SYN3: variants seen among roughly 807,000 people sequenced by gnomAD.
SYN3 encodes the protein synapsin-3.
SYN3 carries 35 observed loss-of-function variants against 65.8 expected under a neutral mutation model. The observed-to-expected ratio is 0.53, with a 90% CI of 0.41 to 0.70. The LOEUF (loss-of-function observed/expected upper bound fraction) is 0.70. Among genes scored for constraint, SYN3 ranks in the 30% least tolerant of loss-of-function variants. The pLI is 0.00. For synonymous variants in SYN3, 270 were observed against 292.9 expected (o/e 0.92, Z 0.80); for missense variants, 680 against 749.0 (o/e 0.91, Z 1.08).
chr22:32,881,442 A>G (rs148504702), intron 4 of SYN3, among the ~76,000 whole-genome samples: 11 of 152,322 alleles, frequency 7.2e-5, no homozygotes, highest in African/African-American at 2.6e-4. Context: ...CAGCTCGCTC[A>G]GCAGGAAATA....
intron 3 of SYN3, among the ~76,000 whole-genome samples, chr22:32,942,625 G>A (rs1370958170): frequency 6.6e-6 from 1 of 152,214 alleles, no homozygotes; most frequent in African/African-American, 2.4e-5. Context: ...AGTGAAGAAG[G>A]CTTCAGACGA....
At chr22:32,782,317 CT>C (rs1472874758) in intron 6 of SYN3, among the ~76,000 whole-genome samples, 1 of 152,116 alleles carries the variant, frequency 6.6e-6, no homozygotes, top group African/African-American at 2.4e-5. Flanking sequence ...ATCCACCCAC[CT>C]TGGCCTCCCA....
intron 2 of SYN3, among the ~76,000 whole-genome samples, chr22:32,994,153 T>C (rs2052808703): frequency 1.3e-5 from 2 of 152,074 alleles, no homozygotes; most frequent in Admixed American, 1.3e-4. Context: ...GCTCGGGGCT[T>C]GGGTGCCGCA....
At chr22:32,774,220 T>C (rs900158146) in intron 6 of SYN3, among the ~76,000 whole-genome samples, 5 of 152,202 alleles carry the variant, frequency 3.3e-5, no homozygotes, top group African/African-American at 1.2e-4. Flanking sequence ...CCTTGGTCCC[T>C]GTAAATGTGA....
intron 6 of SYN3, among the ~76,000 whole-genome samples, chr22:32,641,283 CT>C (rs1375607408): frequency 6.6e-6 from 1 of 152,100 alleles, no homozygotes; most frequent in Non-Finnish European, 1.5e-5. Context: ...CTCGTACGTG[CT>C]TCAGAATCCC....
At chr22:32,552,257 A>T (rs2058428115) in intron 7 of SYN3, among the ~76,000 whole-genome samples, 1 of 152,172 alleles carries the variant, frequency 6.6e-6, no homozygotes, top group African/African-American at 2.4e-5. Flanking sequence ...AAAACAAAAA[A>T]CAAAAAACAA....
intron 6 of SYN3, among the ~76,000 whole-genome samples, chr22:32,819,449 A>G (rs996891807): frequency 2.0e-5 from 3 of 152,250 alleles, no homozygotes; most frequent in Non-Finnish European, 4.4e-5. Flanking sequence ...CCACCAGCCA[A>G]CGATGGGTAT....
intron 3 of SYN3, among the ~76,000 whole-genome samples, chr22:32,951,877 C>G (rs569927557): frequency 6.6e-6 from 1 of 152,360 alleles, no homozygotes; most frequent in East Asian, 1.9e-4. Flanking sequence ...CATCTGTCAG[C>G]GAAGCCCATG....
chr22:32,804,945 G>C (rs943814034), intron 6 of SYN3, among the ~76,000 whole-genome samples: 39 of 152,282 alleles, frequency 2.6e-4, no homozygotes, highest in African/African-American at 9.1e-4. Flanking sequence ...GCCTCGGCCC[G>C]GGCAAATCTG....
intron 1 of SYN3, among the ~76,000 whole-genome samples, chr22:33,007,934 T>A (rs2053239078): frequency 7.5e-6 from 1 of 133,876 alleles, no homozygotes; most frequent in Non-Finnish European, 1.6e-5. Context: ...AAGATTATTA[T>A]ATACAATTTT....
In SYN3 at chr22:32,527,578, G is replaced by A. The variant is rs530523133; in HGVS notation, c.1318+340C>T. ...TCGCACCACTGCACTCCAGCCTGGC[G>A]ACAGAGCAAGACTCTGTCTCAAAAG... On this transcript the variant is annotated intron_variant, in intron 12 of 13. Coordinates refer to ENST00000358763, the MANE Select transcript of SYN3 (RefSeq NM_003490.4). The A allele has an allele frequency of 2.2e-3, 442 of 198,050 alleles. 3 individuals are homozygous for A. Among genetic ancestry groups the A allele is most frequent in the Non-Finnish European group, 3.2e-3 (309 of 97,312 alleles). The allele number at this position is 198,050 out of a possible 1,614,324, so 12.3% of individuals were successfully genotyped here.
rs187146334 is a variant in SYN3 at position 32,855,730 on chromosome 22, C to T, written c.711+9185G>A. Among the ~76,000 whole-genome samples the T allele has an allele frequency of 2.0e-5, 3 of 152,274 alleles. No homozygotes were observed. The East Asian group carries it at 5.8e-4, about 29-fold the overall frequency. Reference sequence around the variant, plus strand: ...TATGGGATGTTTAGCAACCTCCCTACCCTCTACGAACTGTTGTGACAACCA... The same window carrying T: ...TATGGGATGTTTAGCAACCTCCCTATCCTCTACGAACTGTTGTGACAACCA... On this transcript the variant is annotated intron_variant, in intron 6 of 13. Coordinates refer to ENST00000358763, the MANE Select transcript of SYN3 (RefSeq NM_003490.4).
rs994442343 is a variant in SYN3, at chr22:32,858,261, G to A, written c.711+6654C>T. The A allele has an allele frequency of 2.9e-6, 4 of 1,368,348 alleles. No homozygotes were observed. The African/African-American group carries it at 4.3e-5, about 15-fold the overall frequency. 84.8% of individuals were successfully genotyped at this position (1,368,348 alleles called of 1,614,324 possible). On this transcript the variant is annotated intron_variant, in intron 6 of 13. Coordinates refer to ENST00000358763, the MANE Select transcript of SYN3 (RefSeq NM_003490.4). ...GAAGGGTATGCATGTGTTAGGCCAG[G>A]GCAGAGGGGCAGGTCTGAGCAGATA... is the stretch of plus-strand genomic sequence containing the variant.
chr22:33,034,080 G>A (rs2053807447), intron 1 of SYN3, among the ~76,000 whole-genome samples: 1 of 151,346 alleles, frequency 6.6e-6, no homozygotes, highest in Admixed American at 6.6e-5. Context: ...CAGCTACTCG[G>A]GAGGCTGAGG....
chr22:32,650,842 A>T (rs1407256666), intron 6 of SYN3, among the ~76,000 whole-genome samples: 1 of 152,220 alleles, frequency 6.6e-6, no homozygotes, highest in Non-Finnish European at 1.5e-5. Context: ...CTTGCCCAGC[A>T]TTAGAGACGG....
intron 3 of SYN3, among the ~76,000 whole-genome samples, chr22:32,962,694 C>G (rs2051693064): frequency 6.6e-6 from 1 of 152,076 alleles, no homozygotes; most frequent in East Asian, 1.9e-4. Context: ...CGTTGCTGGG[C>G]CTCTCTGAAC....
intron 6 of SYN3, among the ~76,000 whole-genome samples, chr22:32,650,447 G>A (rs943302011): frequency 6.6e-6 from 1 of 151,712 alleles, no homozygotes; most frequent in African/African-American, 2.4e-5. Flanking sequence ...TTGCATTTTT[G>A]TGGAGACGGA....
intron 1 of SYN3, among the ~76,000 whole-genome samples, chr22:33,055,359 C>G (rs1001658775): frequency 6.6e-6 from 1 of 152,232 alleles, no homozygotes; most frequent in Non-Finnish European, 1.5e-5. Context: ...ACAATAGCCT[C>G]CATTCCTCCA....
chr22:32,918,967 C>T (rs1601694827), intron 4 of SYN3, among the ~76,000 whole-genome samples: 2 of 152,198 alleles, frequency 1.3e-5, no homozygotes, highest in Non-Finnish European at 2.9e-5. Flanking sequence ...GAAGCCAGGC[C>T]GCCTACCTGG....
Sources: allele counts gnomAD v4.1 joint callset (sites outside exome capture counted in the v4.1 genomes callset), GRCh38; gene constraint gnomAD v4.1.1; transcripts MANE v1.5; gene names NCBI Gene and HGNC (gene_info 2026-07-23, HGNC 2026-07-21).